The following DCUN1D5 variants were observed in gnomAD, a reference collection of about 807,000 sequenced individuals.
The protein encoded by DCUN1D5 is DCN1-like protein 5.
DCUN1D5 carries 10 observed loss-of-function variants against 38.3 expected under a neutral mutation model. The ratio of observed to expected loss-of-function variants is 0.26; its 90% confidence interval spans 0.16 to 0.44. DCUN1D5 has a LOEUF of 0.44. Ranked by LOEUF, DCUN1D5 falls within the 20% of genes least tolerant of loss-of-function variation. The probability of loss-of-function intolerance (pLI) is 1.00; values close to 1 mark genes in which losing one functional copy is unlikely to be tolerated. For missense variants in DCUN1D5, 148 were observed against 275.3 expected, an observed-to-expected ratio of 0.54 and a Z score of 3.27; for synonymous variants, 93 against 90.9, an observed-to-expected ratio of 1.02 and a Z score of -0.13.
chr11:103,055,560 G>C lies in DCUN1D5; in HGVS notation c.*6799C>G, dbSNP rs1861853628. 1 of 151,996 alleles carries C rather than the reference G, an allele frequency of 6.6e-6. No individual in the cohort carries two copies. The highest frequency in any genetic ancestry group is 1.5e-5 in the Non-Finnish European group (1 of 67,972). 9.4% of individuals were successfully genotyped at this position (151,996 alleles called of 1,614,324 possible). ...ATATTTGGCAACTATTATCAATCTTGCTTTTTAAATCTTAGTGCTTCTACA... is the reference window on the plus strand; with the variant it reads ...ATATTTGGCAACTATTATCAATCTTCCTTTTTAAATCTTAGTGCTTCTACA... On this transcript the variant is annotated 3_prime_UTR_variant, in exon 8 of 8. Transcript: ENST00000260247.
At chr11:103,067,227 C>G (rs1862156577) in intron 4 of DCUN1D5, among the ~76,000 whole-genome samples, 3 of 152,004 alleles carry the variant, frequency 2.0e-5, no homozygotes, top group Admixed American at 2.0e-4. Context: ...ATGGAAGGCT[C>G]AAAAATCTTA....
In DCUN1D5 at chr11:103,071,576, A is replaced by G. The variant is rs1862273466; in HGVS notation, c.342-5009T>C. Among the ~76,000 whole-genome samples, 1 of 149,920 alleles carries G rather than the reference A, an allele frequency of 6.7e-6. No homozygotes were observed. Among genetic ancestry groups the G allele is most frequent in the Non-Finnish European group, 1.5e-5 (1 of 67,502 alleles). ...CTATTGATTTATATAGATATAATCT[A>G]TATCTATGTAAATATTTTATATAGA... On this transcript the variant is annotated intron_variant, in intron 4 of 7. Coordinates refer to ENST00000260247, the MANE Select transcript of DCUN1D5 (RefSeq NM_032299.4). This position sits in a 1 kb window ranked among gnomAD's most constrained non-coding sequence, Gnocchi z 4.1.
Position 103,091,040 on chromosome 11 carries a change from T to C in DCUN1D5, c.86+747A>G, listed in dbSNP as rs1001525292. Among the ~76,000 whole-genome samples the C allele has an allele frequency of 3.3e-5, 5 of 152,228 alleles. No individual in the cohort carries two copies. Among genetic ancestry groups the C allele is most frequent in the South Asian group, 2.1e-4 (1 of 4,834 alleles). On this transcript the variant is annotated intron_variant, in intron 1 of 7. Transcript: ENST00000260247. The surrounding 1 kb of genome is among the most constrained non-coding windows in gnomAD (Gnocchi z 4.3). ...CAAGGGGATCAAAGAGCTACTACTATATAGTTCTGCCTTGTCTTCTTTCTT... is the reference window on the plus strand; with the variant it reads ...CAAGGGGATCAAAGAGCTACTACTACATAGTTCTGCCTTGTCTTCTTTCTT...
chr11:103,070,689 AAC>A (rs1470165270), intron 4 of DCUN1D5, among the ~76,000 whole-genome samples: 1 of 152,202 alleles, frequency 6.6e-6, no homozygotes, highest in Admixed American at 6.5e-5. Context: ...GAATTCAACG[AAC>A]ACAGAGAATT....
intron 1 of DCUN1D5, among the ~76,000 whole-genome samples, chr11:103,090,203 CTTAAA>C (rs773750357): frequency 5.9e-5 from 9 of 152,100 alleles, no homozygotes; most frequent in Non-Finnish European, 1.0e-4. Context: ...ATGTACTTAA[CTTAAA>C]TAATTTTAAT....
rs558242382 is a variant in DCUN1D5 at position 103,055,865 on chromosome 11, G to A, written c.*6494C>T. 3.3e-5 allele frequency: 5 copies of A among 152,256 alleles called. No homozygotes were observed. Among genetic ancestry groups the A allele is most frequent in the East Asian group, 1.9e-4 (1 of 5,186 alleles). The allele number at this position is 152,256 out of a possible 1,614,324, so 9.4% of individuals were successfully genotyped here. ...GCCCACTCTACATTTTCCTTTGGACGTCTGACAGACAAGTCTACCATAACA... is the reference window on the plus strand; with the variant it reads ...GCCCACTCTACATTTTCCTTTGGACATCTGACAGACAAGTCTACCATAACA... On this transcript the variant is annotated 3_prime_UTR_variant, in exon 8 of 8. Transcript: ENST00000260247.
rs146177379 is a variant in DCUN1D5 at position 103,091,054 on chromosome 11, G to A, written c.86+733C>T. Among the ~76,000 whole-genome samples, 819 of 152,250 alleles carry A rather than the reference G, an allele frequency of 5.4e-3. 3 individuals carry two copies. The highest frequency in any genetic ancestry group is 0.019 in the African/African-American group (779 of 41,542). On this transcript the variant is annotated intron_variant, in intron 1 of 7. Transcript: ENST00000260247. This position sits in a 1 kb window ranked among gnomAD's most constrained non-coding sequence, Gnocchi z 4.3. Reference sequence around the variant, plus strand: ...AGCTACTACTATATAGTTCTGCCTTGTCTTCTTTCTTACCAGTAGGACAGA... The same window carrying A: ...AGCTACTACTATATAGTTCTGCCTTATCTTCTTTCTTACCAGTAGGACAGA...
In DCUN1D5 at chr11:103,086,714, C is replaced by A. The variant is rs1411684940; in HGVS notation, c.178+2513G>T. 6.6e-6 allele frequency among the ~76,000 whole-genome samples: 1 copy of A among 152,168 alleles called. No individual in the cohort carries two copies. The highest frequency in any genetic ancestry group is 1.5e-5 in the Non-Finnish European group (1 of 68,038). ...CTTGCTCAGCACTATATATCCAGCA[C>A]TCAGCACAGTGCCTGACTCAAAACA... On this transcript the variant is annotated intron_variant, in intron 2 of 7. Transcript: ENST00000260247. This position sits in a 1 kb window ranked among gnomAD's most constrained non-coding sequence, Gnocchi z 4.1.
At position 103,066,731 on chromosome 11, in the gene DCUN1D5, C is replaced by G. The variant is rs1862143775; in HGVS notation, c.342-164G>C. On this transcript the variant is annotated intron_variant, in intron 4 of 7. Coordinates refer to ENST00000260247, the MANE Select transcript of DCUN1D5 (RefSeq NM_032299.4). This position sits in a 1 kb window ranked among gnomAD's most constrained non-coding sequence, Gnocchi z 4.7. ...AATTTAGAGTAATAAATTTCTTGCC[C>G]TGCATCTACCAATGCAATAAAAAAA... 6.6e-6 allele frequency among the ~76,000 whole-genome samples: 1 copy of G among 151,892 alleles called. No homozygotes were observed. The highest frequency in any genetic ancestry group is 1.5e-5 in the Non-Finnish European group (1 of 67,960).
intron 4 of DCUN1D5, among the ~76,000 whole-genome samples, chr11:103,080,869 G>T (rs528942000): frequency 1.3e-5 from 2 of 151,952 alleles, no homozygotes; most frequent in African/African-American, 4.8e-5. Context: ...AAAATTAGCC[G>T]GGCGTGGAGG....
At position 103,057,114 on chromosome 11, in the gene DCUN1D5, A is replaced by T. The variant is rs1216343354; in HGVS notation, c.*5245T>A. On this transcript the variant is annotated 3_prime_UTR_variant, in exon 8 of 8. Coordinates refer to ENST00000260247, the MANE Select transcript of DCUN1D5 (RefSeq NM_032299.4). This position sits in a 1 kb window ranked among gnomAD's most constrained non-coding sequence, Gnocchi z 4.8. ...TTTCAGGGAATAATGTAAATTTCAAATAGGTAAGATTTCTACATTTGTAGA... is the reference window on the plus strand; with the variant it reads ...TTTCAGGGAATAATGTAAATTTCAATTAGGTAAGATTTCTACATTTGTAGA... 1.3e-5 allele frequency among the ~76,000 whole-genome samples: 2 copies of T among 152,194 alleles called. No homozygotes were observed. Among genetic ancestry groups the T allele is most frequent in the African/African-American group, 4.8e-5 (2 of 41,448 alleles).
In DCUN1D5 at chr11:103,057,639, G is replaced by C. The variant is rs1861905533; in HGVS notation, c.*4720C>G. ...GGAGGTTGACGCACGAGAATCTCTT[G>C]AACCCAGGAGGTCGAGGCTGCAGTG... On this transcript the variant is annotated 3_prime_UTR_variant, in exon 8 of 8. Transcript: ENST00000260247. The surrounding 1 kb of genome is among the most constrained non-coding windows in gnomAD (Gnocchi z 4.8). 6.6e-6 allele frequency among the ~76,000 whole-genome samples: 1 copy of C among 151,752 alleles called. No individual in the cohort carries two copies. The highest frequency in any genetic ancestry group is 1.5e-5 in the Non-Finnish European group (1 of 67,936).
Position 103,062,471 on chromosome 11 carries a change from A to G in DCUN1D5, c.659-57T>C. On this transcript the variant is annotated intron_variant, in intron 7 of 7. Coordinates refer to ENST00000260247, the MANE Select transcript of DCUN1D5 (RefSeq NM_032299.4). The surrounding 1 kb of genome is among the most constrained non-coding windows in gnomAD (Gnocchi z 4.6). Reference sequence around the variant, plus strand: ...TCAGTGAACTCATCTCTCCAATTATAAAACAAACTCCCCACGAGCTCTGCA... The same window carrying G: ...TCAGTGAACTCATCTCTCCAATTATGAAACAAACTCCCCACGAGCTCTGCA... 3 of 1,477,120 alleles carry G rather than the reference A, an allele frequency of 2.0e-6. No homozygotes were observed. Among genetic ancestry groups the G allele is most frequent in the Non-Finnish European group, 2.8e-6 (3 of 1,062,640 alleles). 91.5% of individuals were successfully genotyped at this position (1,477,120 alleles called of 1,614,324 possible).
Position 103,065,617 on chromosome 11 carries a change from C to G in DCUN1D5, c.555+652G>C, listed in dbSNP as rs1862115955. On this transcript the variant is annotated intron_variant, in intron 6 of 7. Transcript: ENST00000260247. The surrounding 1 kb of genome is among the most constrained non-coding windows in gnomAD (Gnocchi z 4.6). ...CCCTAGAATTACAAAGGCACAAAAACAGATTTAAAAAAAAAAAACTAGACA... is the reference window on the plus strand; with the variant it reads ...CCCTAGAATTACAAAGGCACAAAAAGAGATTTAAAAAAAAAAAACTAGACA... 1.3e-5 allele frequency among the ~76,000 whole-genome samples: 2 copies of G among 150,518 alleles called. No individual in the cohort carries two copies. Among genetic ancestry groups the G allele is most frequent in the Admixed American group, 1.3e-4 (2 of 15,156 alleles).
chr11:103,062,642 G>A lies in DCUN1D5; in HGVS notation c.659-228C>T, dbSNP rs576136038. On this transcript the variant is annotated intron_variant, in intron 7 of 7. Transcript: ENST00000260247. This position sits in a 1 kb window ranked among gnomAD's most constrained non-coding sequence, Gnocchi z 4.6. ...TATCTATAGCAACTTCCTTCTCAAG[G>A]TGTTTCATGAACCCTCCAGTAACTG... Among the ~76,000 whole-genome samples, 1 of 152,074 alleles carries A rather than the reference G, an allele frequency of 6.6e-6. No homozygotes were observed. Among genetic ancestry groups the A allele is most frequent in the African/African-American group, 2.4e-5 (1 of 41,496 alleles).
rs1038213396 is a variant in DCUN1D5, at chr11:103,055,431, ATGT to A, written c.*6925_*6927del. On this transcript the variant is annotated 3_prime_UTR_variant, in exon 8 of 8. Transcript: ENST00000260247. The stretch of plus-strand genomic sequence containing the variant: ...TGAGAAAAAGAAACTAGCACTCCAG[ATGT>A]TGTTATTCTTAATATAAAAAACTGT... 4.6e-5 allele frequency: 7 copies of A among 152,134 alleles called. No homozygotes were observed. Among genetic ancestry groups the A allele is most frequent in the African/African-American group, 1.7e-4 (7 of 41,450 alleles). The allele number at this position is 152,134 out of a possible 1,614,324, so 9.4% of individuals were successfully genotyped here. A position where few individuals can be genotyped will look rare whatever the true frequency, so the allele number is the denominator to read the frequency against.
chr11:103,070,214 T>C (rs1862238174), intron 4 of DCUN1D5, among the ~76,000 whole-genome samples: 1 of 151,572 alleles, frequency 6.6e-6, no homozygotes, highest in Non-Finnish European at 1.5e-5. Context: ...TAAGCCCTAA[T>C]ATATCCATAA....
rs1334095169 is a variant in DCUN1D5 at position 103,053,596 on chromosome 11, ACC to A, written c.*8761_*8762del. ...ATGAATATATCATACTATCACATGT[ACC>A]CCCCAAATAAATACATTATGTATCA... is the stretch of plus-strand genomic sequence containing the variant. On this transcript the variant is annotated 3_prime_UTR_variant, in exon 8 of 8. Coordinates refer to ENST00000260247, the MANE Select transcript of DCUN1D5 (RefSeq NM_032299.4). This position sits in a 1 kb window ranked among gnomAD's most constrained non-coding sequence, Gnocchi z 4.8. The A allele has an allele frequency of 6.6e-6, 1 of 151,774 alleles. No homozygotes were observed. Among genetic ancestry groups the A allele is most frequent in the Non-Finnish European group, 1.5e-5 (1 of 67,896 alleles). 9.4% of individuals were successfully genotyped at this position (151,774 alleles called of 1,614,324 possible).
At position 103,062,055 on chromosome 11, in the gene DCUN1D5, C is replaced by T. The variant is rs992934738; in HGVS notation, c.*304G>A. The T allele has an allele frequency of 6.7e-6, 2 of 298,234 alleles. No individual in the cohort carries two copies. The highest frequency in any genetic ancestry group is 4.4e-5 in the African/African-American group (2 of 45,942). 18.5% of individuals were successfully genotyped at this position (298,234 alleles called of 1,614,324 possible). On this transcript the variant is annotated 3_prime_UTR_variant, in exon 8 of 8. Coordinates refer to ENST00000260247, the MANE Select transcript of DCUN1D5 (RefSeq NM_032299.4). The surrounding 1 kb of genome is among the most constrained non-coding windows in gnomAD (Gnocchi z 4.6). Reference sequence around the variant, plus strand: ...CAAATTTACAAAAATAAATACCACTCTGACACTCAAGGGACATCTTCACTT... The same window carrying T: ...CAAATTTACAAAAATAAATACCACTTTGACACTCAAGGGACATCTTCACTT...
Sources: gnomAD v4.1 joint callset for allele counts (sites outside exome capture counted in the v4.1 genomes callset) on GRCh38, gnomAD v4.1.1 for gene constraint, Gnocchi (gnomAD v3.1) non-coding constraint, MANE v1.5 for transcripts, NCBI Gene and HGNC (gene_info 2026-07-23, HGNC 2026-07-21) for gene names.